Variants in RPS3A observed in about 807,000 individuals in gnomAD.
RPS3A encodes small ribosomal subunit protein eS1.
RPS3A carries 1 observed loss-of-function variant against 26.4 expected under a neutral mutation model. That is an observed-to-expected ratio of 0.04 (90% CI 0.01 to 0.18). The LOEUF (loss-of-function observed/expected upper bound fraction) is 0.18. Ranked by LOEUF, RPS3A falls within the 10% of genes least tolerant of loss-of-function variation. RPS3A has a pLI of 1.00. For missense variants in RPS3A, 139 were observed against 326.8 expected (o/e 0.43, Z 4.43); for synonymous variants, 97 against 106.1 (o/e 0.91, Z 0.53).
In RPS3A at chr4:151,101,397, A is replaced by T. The variant is rs75621610; in HGVS notation, c.354+235A>T. Among the ~76,000 whole-genome samples the T allele has an allele frequency of 4.1e-3, 618 of 152,324 alleles. 4 individuals are homozygous for T. Among genetic ancestry groups the T allele is most frequent in the Non-Finnish European group, 6.9e-3 (469 of 68,038 alleles). On this transcript the variant is annotated intron_variant, in intron 3 of 5. Transcript: ENST00000274065. ...AAGATTTAATAGTGGTGTATCATCA[A>T]AGTCAGATTTTCTTGCTGCATAGAT...
chr4:151,100,457 G>A (rs779874316), intron 1 of RPS3A, 28 bp from the exon 2 acceptor site: 48 of 1,205,302 alleles, frequency 4.0e-5, no homozygotes, highest in South Asian at 3.7e-4. Flanking sequence ...GATCTGCAAT[G>A]GAACTTAAGC....
chr4:151,104,276 C>G lies in RPS3A; in HGVS notation c.663C>G (p.Pro221=). The part of the protein sequence containing the change: ...FVRKVKMLKK[P]KFELGKLMEL... ...GAAAAGTAAAAATGCTGAAGAAGCCCAAGTTTGAATGTAAGTGAGAAATCA... is the reference window on the plus strand; with the variant it reads ...GAAAAGTAAAAATGCTGAAGAAGCCGAAGTTTGAATGTAAGTGAGAAATCA... Residue 221 remains proline, a synonymous_variant, in exon 5 of 6, where the codon CCC becomes CCG. Coordinates refer to ENST00000274065, the MANE Select transcript of RPS3A (RefSeq NM_001006.5). 1 of 1,612,598 alleles carries G rather than the reference C, an allele frequency of 6.2e-7. No homozygotes were observed. The highest frequency in any genetic ancestry group is 8.5e-7 in the Non-Finnish European group (1 of 1,179,700).
intron 4 of RPS3A, chr4:151,103,552 C>G (rs975177448): frequency 5.8e-6 from 6 of 1,032,272 alleles, no homozygotes; most frequent in African/African-American, 1.7e-5. Flanking sequence ...TTGAATGAAG[C>G]TGTCTCACAG....
chr4:151,100,321 G>A (rs1747064348), intron 1 of RPS3A, 164 bp from the exon 2 acceptor site: 1 of 585,836 alleles, frequency 1.7e-6, no homozygotes, highest in Non-Finnish European at 3.0e-6. Context: ...CGTACAGTGG[G>A]AAGAGCTAGA....
chr4:151,103,250 TTA>T, intron 4 of RPS3A, 171 bp downstream of exon 4: 2 of 1,214,172 alleles, frequency 1.6e-6, no homozygotes, highest in Non-Finnish European at 2.2e-6. Flanking sequence ...AATATGATTA[TTA>T]TTACTATTAT....
intron 2 of RPS3A, 96 bp downstream of exon 2, chr4:151,100,684 T>A (rs879821086): frequency 2.1e-4 from 161 of 763,464 alleles, no homozygotes; most frequent in Non-Finnish European, 3.4e-4. Flanking sequence ...GGTGGGAGAC[T>A]TTAAGGAAAT....
chr4:151,103,401 C>A, intron 4 of RPS3A: 1 of 599,098 alleles, frequency 1.7e-6, no homozygotes, highest in Non-Finnish European at 2.2e-6. Context: ...ATACAGGGGA[C>A]TGCCACCATA....
chr4:151,101,943 G>A (rs929978624), intron 3 of RPS3A: 2 of 411,128 alleles, frequency 4.9e-6, no homozygotes, highest in Admixed American at 6.8e-5. Context: ...ATATTGGCCA[G>A]GCTGGTCTCG....
intron 1 of RPS3A, 186 bp from the exon 2 acceptor site, chr4:151,100,299 C>T (rs1003596744): frequency 5.3e-6 from 3 of 570,308 alleles, no homozygotes; most frequent in Non-Finnish European, 9.4e-6. Context: ...AAGTCTGATG[C>T]ATGCAGTGAA....
intron 2 of RPS3A, 84 bp downstream of exon 2, chr4:151,100,672 G>C (rs555879304): frequency 2.4e-6 from 2 of 830,744 alleles, no homozygotes; most frequent in African/African-American, 1.7e-5. Flanking sequence ...TGTTGGTCCT[G>C]TGGTGGGAGA....
chr4:151,099,995 C>T (rs1446473219), intron 1 of RPS3A: 4 of 639,728 alleles, frequency 6.3e-6, no homozygotes, highest in Non-Finnish European at 5.8e-6. Flanking sequence ...CGAGCTGCCT[C>T]AATTCTGCGA....
chr4:151,100,870 G>A, intron 2 of RPS3A, 105 bp from the exon 3 acceptor site: 2 of 770,804 alleles, frequency 2.6e-6, no homozygotes, highest in Non-Finnish European at 4.2e-6. Flanking sequence ...CAAAGGTTAA[G>A]GTCTTTATAA....
intron 4 of RPS3A, 110 bp from the exon 5 acceptor site, chr4:151,104,067 G>A (rs1747254569): frequency 1.3e-6 from 2 of 1,500,636 alleles, no homozygotes; most frequent in South Asian, 1.4e-5. Flanking sequence ...GGTTAAATGA[G>A]GTAGGTGTTA....
intron 3 of RPS3A, chr4:151,102,106 A>G (rs1310779028): frequency 5.8e-6 from 3 of 517,154 alleles, no homozygotes; most frequent in Non-Finnish European, 1.2e-5. Flanking sequence ...TACTGATTAT[A>G]CCATTATATT....
At chr4:151,100,088 G>T in intron 1 of RPS3A, 1 of 530,552 alleles carries the variant, frequency 1.9e-6, no homozygotes, top group Non-Finnish European at 3.6e-6. Flanking sequence ...CCTTTGCTTG[G>T]TCCCGCTGGA....
intron 4 of RPS3A, chr4:151,103,437 G>A (rs1040656997): frequency 4.8e-5 from 41 of 848,338 alleles, no homozygotes; most frequent in Non-Finnish European, 5.7e-5. Context: ...TAAATTTTTA[G>A]TAGAGATGGG....
chr4:151,099,658 G>C lies in RPS3A; in HGVS notation c.6G>C (p.Ala2=). The change falls in exon 1 of 6, where the codon GCG becomes GCC. Residue 2 remains alanine, a synonymous_variant. Transcript: ENST00000274065. The part of the protein sequence containing the change: M[A]VGKNKRLTKG... ...TTGGCTCTCTGACCAGCACCATGGC[G>C]GTTGGCAAGAACAAGCGCCTTACGA... 1.2e-6 allele frequency: 2 copies of C among 1,613,968 alleles called. No homozygotes were observed. Among genetic ancestry groups the C allele is most frequent in the Non-Finnish European group, 1.7e-6 (2 of 1,179,966 alleles).
At chr4:151,103,325 C>A in intron 4 of RPS3A, 1 of 696,798 alleles carries the variant, frequency 1.4e-6, no homozygotes, top group Non-Finnish European at 2.0e-6. Context: ...TCCTCCTTGG[C>A]TCACTGTAAC....
chr4:151,099,961 TG>T (rs1561163774), intron 1 of RPS3A: 3 of 670,492 alleles, frequency 4.5e-6, no homozygotes, highest in Non-Finnish European at 5.5e-6. Context: ...GCGACTCGGC[TG>T]GAATGTTAGT....
Sources: allele counts gnomAD v4.1 joint callset (sites outside exome capture counted in the v4.1 genomes callset), GRCh38; gene constraint gnomAD v4.1.1; transcripts MANE v1.5; gene names NCBI Gene and HGNC (gene_info 2026-07-23, HGNC 2026-07-21).